Variants in MANEA observed in about 807,000 individuals in gnomAD.
The protein encoded by MANEA is mannosidase endo-alpha.
In MANEA, 25 loss-of-function variants were observed where a neutral mutation model predicts 36.8. The ratio of observed to expected loss-of-function variants is 0.68; its 90% confidence interval spans 0.50 to 0.95. The LOEUF (loss-of-function observed/expected upper bound fraction) is 0.95. Ranked by LOEUF, MANEA falls within the 40% of genes least tolerant of loss-of-function variation. The probability of loss-of-function intolerance (pLI) is 0.00; values close to 1 mark genes in which losing one functional copy is unlikely to be tolerated. For missense variants in MANEA, 565 were observed against 558.8 expected (o/e 1.01, Z -0.11); for synonymous variants, 198 against 188.5 (o/e 1.05, Z -0.41).
At chr6:95,601,656 T>C (rs977617048) in intron 3 of MANEA, among the ~76,000 whole-genome samples, 4 of 147,052 alleles carry the variant, frequency 2.7e-5, no homozygotes, top group Non-Finnish European at 6.0e-5. Context: ...CATTATCTAA[T>C]CAAAACTTGA....
intron 1 of MANEA, among the ~76,000 whole-genome samples, chr6:95,582,625 ATTC>A (rs1012690164): frequency 1.1e-4 from 17 of 152,196 alleles, no homozygotes; most frequent in African/African-American, 3.6e-4. Context: ...AACAGCTCAC[ATTC>A]TTCTATTTAC....
chr6:95,579,218 C>CA, intron 1 of MANEA, among the ~76,000 whole-genome samples: 1 of 152,076 alleles, frequency 6.6e-6, no homozygotes, highest in East Asian at 1.9e-4. Context: ...ACTAAAAATA[C>CA]AAAAATTAGC....
At chr6:95,600,166 C>G (rs1769561473) in intron 3 of MANEA, among the ~76,000 whole-genome samples, 1 of 152,120 alleles carries the variant, frequency 6.6e-6, no homozygotes, top group Admixed American at 6.6e-5. Flanking sequence ...AGCTCGACCA[C>G]TAATTGCCTA....
At chr6:95,578,701 C>T (rs890889312) in intron 1 of MANEA, among the ~76,000 whole-genome samples, 4 of 152,228 alleles carry the variant, frequency 2.6e-5, no homozygotes, top group Middle Eastern at 3.4e-3. Flanking sequence ...TGCTGTTATT[C>T]GTGTGACGAA....
At chr6:95,577,821 T>TA (rs1769098316) in intron 1 of MANEA, among the ~76,000 whole-genome samples, 183 bp downstream of exon 1, 1 of 152,208 alleles carries the variant, frequency 6.6e-6, no homozygotes, top group African/African-American at 2.4e-5. Context: ...GGCGAGCCTG[T>TA]AGCCCCCTCG....
At position 95,586,864 on chromosome 6, in the gene MANEA, G is replaced by A; in HGVS notation, c.425G>A (p.Gly142Glu). ...DPRIAKNYPQGRHNPPDDIGS... is the reference protein window; with the variant it reads ...DPRIAKNYPQERHNPPDDIGS... ...AGAATAGCCAAGAATTATCCACAAG[G>A]GAGACACAACCCTCCAGATGACATT... The change falls in exon 2 of 5, where the codon GGG becomes GAG. Residue 142 changes from glycine to glutamate, a missense_variant. By Grantham distance (98) the Gly-to-Glu change is moderately conservative. Coordinates refer to ENST00000358812, the MANE Select transcript of MANEA (RefSeq NM_024641.4). The A allele has an allele frequency of 6.2e-7, 1 of 1,613,612 alleles. No homozygotes were observed. The highest frequency in any genetic ancestry group is 8.5e-7 in the Non-Finnish European group (1 of 1,179,704).
chr6:95,596,709 T>C (rs1769488729), intron 2 of MANEA, 28 bp from the exon 3 acceptor site: 1 of 1,196,868 alleles, frequency 8.4e-7, no homozygotes, highest in African/African-American at 1.5e-5. Flanking sequence ...TCTTGTCTTT[T>C]CCCTTTCTTT....
rs568794606 is a variant in MANEA at position 95,596,074 on chromosome 6, G to T, written c.545-663G>T. Among the ~76,000 whole-genome samples, 8 of 152,214 alleles carry T rather than the reference G, an allele frequency of 5.3e-5. No homozygotes were observed. In the South Asian group the frequency reaches 1.7e-3, roughly 32 times the overall value. ...AACCTAAAAATTCAAGTTGCTAAAT[G>T]AATGAAGCCAGTTCTAAAAAGCTAC... On this transcript the variant is annotated intron_variant, in intron 2 of 4. Transcript: ENST00000358812.
Position 95,606,529 on chromosome 6 carries a change from T to A in MANEA, c.*124T>A. 1 of 484,704 alleles carries A rather than the reference T, an allele frequency of 2.1e-6. No homozygotes were observed. Among genetic ancestry groups the A allele is most frequent in the South Asian group, 7.3e-5 (1 of 13,702 alleles). The allele number at this position is 484,704 out of a possible 1,614,324, so 30.0% of individuals were successfully genotyped here. On this transcript the variant is annotated 3_prime_UTR_variant, in exon 5 of 5. Coordinates refer to ENST00000358812, the MANE Select transcript of MANEA (RefSeq NM_024641.4). Reference sequence around the variant, plus strand: ...CTATTAGTTATATTTAAAAATATTTTTTTAAATTCTTTACAGATAATATTA... The same window carrying A: ...CTATTAGTTATATTTAAAAATATTTATTTAAATTCTTTACAGATAATATTA...
intron 1 of MANEA, among the ~76,000 whole-genome samples, chr6:95,578,635 AAAACACCCCCCAAAAC>A (rs1769120725): frequency 6.6e-6 from 1 of 152,176 alleles, no homozygotes; most frequent in Non-Finnish European, 1.5e-5. Flanking sequence ...TCAATGCAGA[AAAACACCCCCCAAAAC>A]AAAAAATCAC....
At chr6:95,583,672 T>C (rs1430464076) in intron 1 of MANEA, among the ~76,000 whole-genome samples, 1 of 152,092 alleles carries the variant, frequency 6.6e-6, no homozygotes, top group Non-Finnish European at 1.5e-5. Context: ...CAGTTGCCCT[T>C]AGGCAGGGAG....
At chr6:95,603,864 T>G (rs1313426345) in intron 3 of MANEA, among the ~76,000 whole-genome samples, 6 of 152,100 alleles carry the variant, frequency 3.9e-5, no homozygotes, top group African/African-American at 1.4e-4. Context: ...TCTTCTGTAT[T>G]TTTTACCTTA....
rs141004267 is a variant in MANEA, at chr6:95,607,033, C to T, written c.*628C>T. ...TTTAATTTAATTACATAAATTAAAC[C>T]TTACCATGACCAAATTGTGTTAGGA... On this transcript the variant is annotated 3_prime_UTR_variant, in exon 5 of 5. Coordinates refer to ENST00000358812, the MANE Select transcript of MANEA (RefSeq NM_024641.4). 4 of 152,056 alleles carry T rather than the reference C, an allele frequency of 2.6e-5. No homozygotes were observed. The highest frequency in any genetic ancestry group is 4.2e-4 in the South Asian group (2 of 4,814). 9.4% of individuals were successfully genotyped at this position (152,056 alleles called of 1,614,324 possible). A position where few individuals can be genotyped will look rare whatever the true frequency, so the allele number is the denominator to read the frequency against.
intron 2 of MANEA, among the ~76,000 whole-genome samples, chr6:95,594,136 A>G (rs1321107899): frequency 1.3e-5 from 2 of 151,918 alleles, no homozygotes; most frequent in Non-Finnish European, 2.9e-5. Flanking sequence ...TTGAAGAGGG[A>G]GGGAAAAATG....
At chr6:95,603,561 ATTTAAC>A (rs901246043) in intron 3 of MANEA, among the ~76,000 whole-genome samples, 1 of 152,010 alleles carries the variant, frequency 6.6e-6, no homozygotes, top group African/African-American at 2.4e-5. Context: ...TTTAAATATT[ATTTAAC>A]TTTAAAATTA....
At chr6:95,579,260 C>A (rs971165542) in intron 1 of MANEA, among the ~76,000 whole-genome samples, 3 of 152,188 alleles carry the variant, frequency 2.0e-5, no homozygotes, top group African/African-American at 7.2e-5. Context: ...GTAGTCCCAG[C>A]TACTCTGGAG....
intron 1 of MANEA, among the ~76,000 whole-genome samples, chr6:95,579,361 GACTCCA>G (rs2127936484): frequency 6.6e-6 from 1 of 152,288 alleles, no homozygotes; most frequent in South Asian, 2.1e-4. Flanking sequence ...AACAGAGTGA[GACTCCA>G]TCTCAAAAAC....
intron 1 of MANEA, among the ~76,000 whole-genome samples, chr6:95,584,219 A>AT (rs1257892570): frequency 6.6e-6 from 1 of 152,162 alleles, no homozygotes; most frequent in African/African-American, 2.4e-5. Flanking sequence ...AGTAACAGCG[A>AT]TTTTTAAGAC....
intron 2 of MANEA, among the ~76,000 whole-genome samples, chr6:95,589,833 G>A (rs1769354548): frequency 6.6e-6 from 1 of 152,082 alleles, no homozygotes; most frequent in Admixed American, 6.5e-5. Flanking sequence ...GGGGAATTAG[G>A]GTTGCAGGTG....
Sources: allele counts gnomAD v4.1 joint callset (sites outside exome capture counted in the v4.1 genomes callset), GRCh38; gene constraint gnomAD v4.1.1; transcripts MANE v1.5; gene names NCBI Gene and HGNC (gene_info 2026-07-23, HGNC 2026-07-21).